The following RASSF8 variants were observed in gnomAD, a reference collection of about 807,000 sequenced individuals.
RASSF8 encodes Ras association domain family member 8, also known as ras association domain-containing protein 8.
RASSF8 carries 22 observed loss-of-function variants against 48.5 expected under a neutral mutation model. The ratio of observed to expected loss-of-function variants is 0.45; its 90% CI spans 0.32 to 0.65. The LOEUF is 0.65. RASSF8 is among the 30% of genes least tolerant of loss of function. The pLI is 0.03. For missense variants in RASSF8, 418 were observed against 489.2 expected (o/e 0.85, Z 1.37); for synonymous variants, 127 against 171.5 (o/e 0.74, Z 2.03).
In RASSF8 at chr12:26,023,831, A is replaced by G. The variant is rs1942843602; in HGVS notation, c.-109+28701A>G. ...TTTTCAAAAGATGGAGATGTAATAT[A>G]TTTCATAACACCAACACAAAGGAGA... is the stretch of plus-strand genomic sequence containing the variant. On this transcript the variant is annotated intron_variant, in intron 2 of 5. Coordinates refer to ENST00000689635, the MANE Select transcript of RASSF8 (RefSeq NM_001394098.1). 1.3e-5 allele frequency among the ~76,000 whole-genome samples: 2 copies of G among 152,222 alleles called. 1 individual carries two copies. The highest frequency in any genetic ancestry group is 4.1e-4 in the South Asian group (2 of 4,834).
chr12:26,073,730 A>ACACT (rs145089685), downstream of RASSF8, among the ~76,000 whole-genome samples: 3 of 138,248 alleles, frequency 2.2e-5, no homozygotes, highest in South Asian at 4.6e-4. Flanking sequence ...CAAAAGCGAG[A>ACACT]CTCTCTCTCT....
At chr12:26,043,680 A>G (rs1269663644) in intron 2 of RASSF8, among the ~76,000 whole-genome samples, 1 of 152,238 alleles carries the variant, frequency 6.6e-6, no homozygotes, top group African/African-American at 2.4e-5. Context: ...CCAATTGCCT[A>G]TCAGCAGTAG....
chr12:26,006,930 A>G (rs1267605352), intron 2 of RASSF8, among the ~76,000 whole-genome samples: 1 of 152,152 alleles, frequency 6.6e-6, no homozygotes, highest in Non-Finnish European at 1.5e-5. Flanking sequence ...GTAAAGAAAA[A>G]AGGTTTATTT....
In RASSF8 at chr12:26,065,195, T is replaced by C; in HGVS notation, c.801T>C (p.Thr267=). 1.9e-6 allele frequency: 3 copies of C among 1,614,144 alleles called. No individual in the cohort carries two copies. Among genetic ancestry groups the C allele is most frequent in the African/African-American group, 1.3e-5 (1 of 75,034 alleles). Reference sequence around the variant, plus strand: ...AGGACTATTTGGCACAGATCCGGACTATGGAAAGTGGTCTTGAAGCAGAAA... The same window carrying C: ...AGGACTATTTGGCACAGATCCGGACCATGGAAAGTGGTCTTGAAGCAGAAA... The part of the protein sequence containing the change: ...KLKDYLAQIR[T]MESGLEAEKL... The change falls in exon 4 of 6, where the codon ACT becomes ACC. Residue 267 remains threonine, a synonymous_variant. Transcript: ENST00000689635.
At chr12:26,060,166 G>C (rs1316604338) in intron 3 of RASSF8, among the ~76,000 whole-genome samples, 1 of 152,046 alleles carries the variant, frequency 6.6e-6, no homozygotes, top group Non-Finnish European at 1.5e-5. Flanking sequence ...CAAAGTGCTG[G>C]GATTACAGAT....
chr12:26,071,928 A>C lies in RASSF8; in HGVS notation c.*3110A>C. The C allele has an allele frequency of 1.0e-6, 1 of 985,364 alleles. No individual in the cohort carries two copies. The highest frequency in any genetic ancestry group is 1.7e-5 in the African/African-American group (1 of 57,370). 61.0% of individuals were successfully genotyped at this position (985,364 alleles called of 1,614,324 possible). A position where few individuals can be genotyped will look rare whatever the true frequency, so the allele number is the denominator to read the frequency against. ...TAATTTACATCTGCATTAAAGGATAATTTTCTCTGTGAATAAGAGCAAAAT... is the reference window on the plus strand; with the variant it reads ...TAATTTACATCTGCATTAAAGGATACTTTTCTCTGTGAATAAGAGCAAAAT... On this transcript the variant is annotated 3_prime_UTR_variant, in exon 6 of 6. Transcript: ENST00000689635.
rs149749197 is a variant in RASSF8 at position 26,068,468 on chromosome 12, A to G, written c.1139-229A>G. On this transcript the variant is annotated intron_variant, in intron 5 of 5. Coordinates refer to ENST00000689635, the MANE Select transcript of RASSF8 (RefSeq NM_001394098.1). ...GTGAACAACCAAAAAAAGAAGCAGA[A>G]TATTCACCTTTTGTAAAGATCATTC... 3.4e-4 allele frequency among the ~76,000 whole-genome samples: 52 copies of G among 152,312 alleles called. 1 individual carries two copies. In the East Asian group the frequency reaches 0.01, roughly 29 times the overall value.
chr12:26,022,972 C>T (rs186968727), intron 2 of RASSF8, among the ~76,000 whole-genome samples: 69 of 152,194 alleles, frequency 4.5e-4, no homozygotes, highest in Admixed American at 1.4e-3. Flanking sequence ...GTCTCAAACT[C>T]GCGACCTCAG....
At chr12:26,073,971 G>A (rs1313498436), downstream of RASSF8, among the ~76,000 whole-genome samples, 1 of 150,738 alleles carries the variant, frequency 6.6e-6, no homozygotes, top group African/African-American at 2.5e-5. Context: ...GAGAGAGAGA[G>A]AGAGTCTCAC....
chr12:25,964,042 A>G (rs2136825217), intron 1 of RASSF8, among the ~76,000 whole-genome samples: 2 of 152,318 alleles, frequency 1.3e-5, no homozygotes, highest in East Asian at 3.9e-4. Context: ...GGGGCACACC[A>G]GGTGATTTGC....
intron 1 of RASSF8, among the ~76,000 whole-genome samples, chr12:25,975,889 T>G (rs1159265858): frequency 6.6e-6 from 1 of 152,142 alleles, no homozygotes; most frequent in Non-Finnish European, 1.5e-5. Context: ...TGGCTGACCC[T>G]GGAGCATGGA....
intron 1 of RASSF8, among the ~76,000 whole-genome samples, chr12:25,978,981 T>A (rs1447870594): frequency 2.6e-5 from 4 of 152,176 alleles, no homozygotes; most frequent in Non-Finnish European, 5.9e-5. Flanking sequence ...TACTTCATGC[T>A]AGTTAAATGT....
At chr12:26,027,619 T>G (rs1200758691) in intron 2 of RASSF8, among the ~76,000 whole-genome samples, 1 of 152,372 alleles carries the variant, frequency 6.6e-6, no homozygotes, top group Middle Eastern at 3.4e-3. Context: ...AAGAGACTTC[T>G]GCTGTGTGGT....
intron 2 of RASSF8, among the ~76,000 whole-genome samples, chr12:26,044,189 G>T (rs2137174722): frequency 6.6e-6 from 1 of 152,186 alleles, no homozygotes; most frequent in South Asian, 2.1e-4. Context: ...GGAGATTTTT[G>T]TGACTGCTGG....
chr12:26,042,068 A>G lies in RASSF8; in HGVS notation c.-108-13168A>G, dbSNP rs117396023. Among the ~76,000 whole-genome samples the G allele has an allele frequency of 4.3e-3, 654 of 152,378 alleles. 28 individuals are homozygous for G. The East Asian group carries it at 0.087, about 20-fold the overall frequency. On this transcript the variant is annotated intron_variant, in intron 2 of 5. Coordinates refer to ENST00000689635, the MANE Select transcript of RASSF8 (RefSeq NM_001394098.1). ...GAAACGAGGTATATATTTGTTTAAT[A>G]TAATTCTTTTCTGAAATATAGTTAT...
intron 1 of RASSF8, among the ~76,000 whole-genome samples, chr12:25,966,886 T>C (rs1055449514): frequency 6.6e-6 from 1 of 152,240 alleles, no homozygotes; most frequent in African/African-American, 2.4e-5. Flanking sequence ...TTCTCCTATG[T>C]TTTCTTCTAG....
chr12:26,054,104 G>C (rs1402792771), intron 2 of RASSF8, among the ~76,000 whole-genome samples: 1 of 152,164 alleles, frequency 6.6e-6, no homozygotes, highest in Non-Finnish European at 1.5e-5. Context: ...AAATCCAAAT[G>C]TTCTCTTAAT....
chr12:26,072,448 CAAAT>C lies in RASSF8; in HGVS notation c.*3635_*3638del. On this transcript the variant is annotated 3_prime_UTR_variant, in exon 6 of 6. Coordinates refer to ENST00000689635, the MANE Select transcript of RASSF8 (RefSeq NM_001394098.1). The stretch of plus-strand genomic sequence containing the variant: ...ATGCATTTTATATATTTTTAGAAAC[CAAAT>C]AAATGCAGAAAACTATTTCGTATAC... The C allele has an allele frequency of 3.1e-6, 3 of 969,460 alleles. No homozygotes were observed. Among genetic ancestry groups the C allele is most frequent in the Non-Finnish European group, 3.7e-6 (3 of 815,520 alleles). The allele number at this position is 969,460 out of a possible 1,614,324, so 60.1% of individuals were successfully genotyped here.
chr12:25,974,616 A>C (rs1941562772), intron 1 of RASSF8, among the ~76,000 whole-genome samples: 1 of 152,086 alleles, frequency 6.6e-6, no homozygotes, highest in African/African-American at 2.4e-5. Flanking sequence ...ATAAGTAGAA[A>C]TCTTAATTTT....
Sources: gnomAD v4.1 joint callset for allele counts (sites outside exome capture counted in the v4.1 genomes callset) on GRCh38, gnomAD v4.1.1 for gene constraint, MANE v1.5 for transcripts, NCBI Gene and HGNC (gene_info 2026-07-23, HGNC 2026-07-21) for gene names.